The following NR3C2 variants were observed in gnomAD, a reference collection of about 807,000 sequenced individuals.
The protein encoded by NR3C2 is nuclear receptor subfamily 3 group C member 2, also known as mineralocorticoid receptor.
Under a neutral mutation model 86.4 loss-of-function variants are expected in NR3C2, and 15 were observed. That is an observed-to-expected ratio of 0.17 (90% CI 0.12 to 0.27). NR3C2 has a LOEUF of 0.27. Ranked by LOEUF, NR3C2 falls within the 10% of genes least tolerant of loss-of-function variation. NR3C2 has a pLI of 1.00. For synonymous variants in NR3C2, 458 were observed against 450.5 expected (o/e 1.02, Z -0.21); for missense variants, 960 against 1,195.6 (o/e 0.80, Z 2.91).
intron 8 of NR3C2, among the ~76,000 whole-genome samples, chr4:148,099,451 C>A (rs919939630): frequency 2.0e-5 from 3 of 152,280 alleles, no homozygotes; most frequent in Non-Finnish European, 2.9e-5. Context: ...CATTTATGAG[C>A]CCGTGAAAAT....
chr4:148,234,861 GC>G (rs1738667011), intron 3 of NR3C2, among the ~76,000 whole-genome samples: 1 of 152,022 alleles, frequency 6.6e-6, no homozygotes, highest in Non-Finnish European at 1.5e-5. Context: ...ATGCAGGTTT[GC>G]TATACAGGTA....
intron 3 of NR3C2, among the ~76,000 whole-genome samples, chr4:148,250,615 T>C (rs1739528850): frequency 6.6e-6 from 1 of 152,216 alleles, no homozygotes; most frequent in South Asian, 2.1e-4. Context: ...GCTAACTATG[T>C]AGTTTCTTTA....
intron 2 of NR3C2, among the ~76,000 whole-genome samples, chr4:148,363,862 C>T (rs1265618355): frequency 6.6e-6 from 1 of 152,118 alleles, no homozygotes; most frequent in Non-Finnish European, 1.5e-5. Flanking sequence ...TAAAAATACT[C>T]TTCTGCTCAA....
chr4:148,321,957 C>A (rs896307879), intron 2 of NR3C2, among the ~76,000 whole-genome samples: 12 of 152,284 alleles, frequency 7.9e-5, no homozygotes, highest in Admixed American at 7.8e-4. Context: ...TTATTTGATG[C>A]AGTTTCTTCC....
chr4:148,408,819 C>T (rs988533483), intron 2 of NR3C2, among the ~76,000 whole-genome samples: 23 of 152,050 alleles, frequency 1.5e-4, no homozygotes, highest in Admixed American at 4.6e-4. Context: ...CTGTGTATTT[C>T]TGCATATATA....
At chr4:148,296,359 TG>T (rs1742058362) in intron 2 of NR3C2, among the ~76,000 whole-genome samples, 1 of 152,180 alleles carries the variant, frequency 6.6e-6, no homozygotes, top group African/African-American at 2.4e-5. Flanking sequence ...TATTTTAGAT[TG>T]GGAAAAACAG....
intron 3 of NR3C2, among the ~76,000 whole-genome samples, chr4:148,198,165 A>G (rs1307317387): frequency 6.6e-6 from 1 of 152,188 alleles, no homozygotes; most frequent in South Asian, 2.1e-4. Context: ...GACTTAAAAA[A>G]CAATAACAAA....
At chr4:148,416,629 G>A (rs932951317) in intron 2 of NR3C2, among the ~76,000 whole-genome samples, 46 of 152,164 alleles carry the variant, frequency 3.0e-4, no homozygotes, top group South Asian at 6.2e-4. Flanking sequence ...ATCCAAGAGC[G>A]ATGGTCTCTA....
At chr4:148,190,562 T>C (rs889568707) in intron 4 of NR3C2, among the ~76,000 whole-genome samples, 2 of 152,242 alleles carry the variant, frequency 1.3e-5, no homozygotes, top group South Asian at 4.1e-4. Flanking sequence ...TGTTCCAAGG[T>C]ATAGTTTAAA....
At chr4:148,243,029 T>G (rs1327707905) in intron 3 of NR3C2, among the ~76,000 whole-genome samples, 2 of 151,706 alleles carry the variant, frequency 1.3e-5, no homozygotes, top group African/African-American at 2.4e-5. Context: ...TCAGGTTTTT[T>G]TTTTTTTTTT....
chr4:148,442,891 T>C, upstream of NR3C2: 1 of 985,390 alleles, frequency 1.0e-6, no homozygotes, highest in Non-Finnish European at 1.2e-6. Context: ...AAAAGTGTGC[T>C]GACGCGGAAG....
chr4:148,375,835 C>T (rs544736343), intron 2 of NR3C2, among the ~76,000 whole-genome samples: 8 of 152,204 alleles, frequency 5.3e-5, no homozygotes, highest in Admixed American at 2.0e-4. Context: ...AAGCAAGTTA[C>T]TAATGTCAAA....
chr4:148,374,561 A>G (rs1221060651), intron 2 of NR3C2, among the ~76,000 whole-genome samples: 2 of 152,210 alleles, frequency 1.3e-5, no homozygotes, highest in Admixed American at 6.5e-5. Context: ...AAAATAGAAA[A>G]AATAACAATT....
intron 2 of NR3C2, among the ~76,000 whole-genome samples, chr4:148,369,675 T>C (rs1746319113): frequency 6.6e-6 from 1 of 152,190 alleles, no homozygotes; most frequent in Non-Finnish European, 1.5e-5. Context: ...CTATAGCAAA[T>C]GGATTGTGCC....
intron 6 of NR3C2, among the ~76,000 whole-genome samples, chr4:148,129,666 G>T (rs901719419): frequency 1.3e-5 from 2 of 152,104 alleles, no homozygotes; most frequent in African/African-American, 4.8e-5. Context: ...CACGATCTCG[G>T]CTCACTGCAA....
rs1328985880 is a variant in NR3C2, at chr4:148,375,418, T to C, written c.1757+59686A>G. On this transcript the variant is annotated intron_variant, in intron 2 of 8. Coordinates refer to ENST00000358102, the MANE Select transcript of NR3C2 (RefSeq NM_000901.5). ...TTGCAGTGAGCTGAGATTGCACCAC[T>C]GCACTCTGGCCTGGGCGACAGAGCA... 4.0e-5 allele frequency among the ~76,000 whole-genome samples: 6 copies of C among 150,210 alleles called. 1 individual carries two copies. The highest frequency in any genetic ancestry group is 3.0e-5 in the Non-Finnish European group (2 of 67,790).
intron 3 of NR3C2, among the ~76,000 whole-genome samples, chr4:148,240,027 A>T (rs530609471): frequency 7.9e-5 from 12 of 152,178 alleles, no homozygotes; most frequent in African/African-American, 2.6e-4. Context: ...AGGGGCAAAT[A>T]ACAGAAGAGC....
At chr4:148,126,571 C>T (rs562246908) in intron 6 of NR3C2, among the ~76,000 whole-genome samples, 64 of 152,302 alleles carry the variant, frequency 4.2e-4, no homozygotes, top group African/African-American at 1.4e-3. Flanking sequence ...CAGAGTGTTT[C>T]TGTTATCAGA....
At chr4:148,111,119 C>T (rs1522451) in intron 8 of NR3C2, among the ~76,000 whole-genome samples, 107,503 of 152,140 alleles carry the variant, frequency 0.71, 38,248 homozygotes, top group East Asian at 0.76. Flanking sequence ...TATAAAGAAC[C>T]CTCAAAACTC....
Sources: gnomAD v4.1 joint callset for allele counts (sites outside exome capture counted in the v4.1 genomes callset) on GRCh38, gnomAD v4.1.1 for gene constraint, MANE v1.5 for transcripts, NCBI Gene and HGNC (gene_info 2026-07-23, HGNC 2026-07-21) for gene names.